The following PPP1R3B variants were observed in gnomAD, a reference collection of about 807,000 sequenced individuals.
PPP1R3B encodes PP1 subunit R4.
PPP1R3B carries 8 observed loss-of-function variants against 14.6 expected under a neutral mutation model. That is an observed-to-expected ratio of 0.55 (90% CI 0.32 to 0.99). The LOEUF (loss-of-function observed/expected upper bound fraction) is 0.99, where lower values mean the gene tolerates loss of function less well. Ranked by LOEUF, PPP1R3B falls within the 50% of genes least tolerant of loss-of-function variation. The pLI is 0.04. For synonymous variants in PPP1R3B, 169 were observed against 142.0 expected (o/e 1.19, Z -1.35); for missense variants, 452 against 360.1 (o/e 1.26, Z -2.07).
chr8:9,145,538 C>A (rs891224980), intron 1 of PPP1R3B: 1 of 152,144 alleles, frequency 6.6e-6, no homozygotes, highest in Admixed American at 6.5e-5. Flanking sequence ...TGGTAAGACT[C>A]TGGTCAACAG....
intron 1 of PPP1R3B, among the ~76,000 whole-genome samples, chr8:9,149,362 G>A (rs576531511): frequency 2.1e-4 from 32 of 151,002 alleles, no homozygotes; most frequent in African/African-American, 7.3e-4. Context: ...AATTAGCTGG[G>A]CGTGGTGGCG....
chr8:9,138,814 TC>T lies in PPP1R3B; in HGVS notation c.*1979del, dbSNP rs1386969130. ...AAAAATAGAAAATAAAAAACCAACT[TC>T]CTACAAGTATACTTGTAAAAATATA... is the stretch of plus-strand genomic sequence containing the variant. On this transcript the variant is annotated 3_prime_UTR_variant, in exon 2 of 2. Transcript: ENST00000310455. 6.6e-6 allele frequency: 1 copy of T among 152,182 alleles called. No homozygotes were observed. Among genetic ancestry groups the T allele is most frequent in the Non-Finnish European group, 1.5e-5 (1 of 68,030 alleles). 9.4% of individuals were successfully genotyped at this position (152,182 alleles called of 1,614,324 possible).
intron 1 of PPP1R3B, among the ~76,000 whole-genome samples, chr8:9,149,942 G>T (rs1461626270): frequency 6.6e-6 from 1 of 152,224 alleles, no homozygotes; most frequent in African/African-American, 2.4e-5. Context: ...TTTGCTACTT[G>T]AGCGAGTCAC....
At chr8:9,149,846 G>C (rs1801363952) in intron 1 of PPP1R3B, among the ~76,000 whole-genome samples, 1 of 152,218 alleles carries the variant, frequency 6.6e-6, no homozygotes, top group South Asian at 2.1e-4. Flanking sequence ...TTCTAGGAAA[G>C]AGGCAAGTTC....
rs17854302 is a variant in PPP1R3B, at chr8:9,141,457, G to A, written c.195C>T (p.Phe65=). ...QEKKVKKRVS[F]ADNQGLALTM... Reference sequence around the variant, plus strand: ...TCAGGGCCAGCCCCTGGTTGTCTGCGAAGGACACCCGCTTTTTCACCTTCT... The same window carrying A: ...TCAGGGCCAGCCCCTGGTTGTCTGCAAAGGACACCCGCTTTTTCACCTTCT... The change falls in exon 2 of 2, where the codon TTC becomes TTT. Residue 65 remains phenylalanine, a synonymous_variant. Transcript: ENST00000310455. The A allele has an allele frequency of 1.9e-5, 31 of 1,614,148 alleles. No homozygotes were observed. The East Asian group carries it at 3.3e-4, about 17-fold the overall frequency.
At chr8:9,148,859 T>C (rs577025393) in intron 1 of PPP1R3B, among the ~76,000 whole-genome samples, 60 of 152,334 alleles carry the variant, frequency 3.9e-4, no homozygotes, top group African/African-American at 1.4e-3. Flanking sequence ...ATCCCCTCCA[T>C]TCTCTTATTC....
chr8:9,147,152 G>C (rs993546872), intron 1 of PPP1R3B, among the ~76,000 whole-genome samples: 1 of 151,802 alleles, frequency 6.6e-6, no homozygotes. Context: ...GATTACAGGC[G>C]TGCACCACCA....
intron 1 of PPP1R3B, among the ~76,000 whole-genome samples, chr8:9,145,902 C>A (rs759935215): frequency 6.6e-6 from 1 of 152,096 alleles, no homozygotes; most frequent in East Asian, 1.9e-4. Flanking sequence ...CAGGATCTTG[C>A]TGTGTTGCCC....
intron 1 of PPP1R3B, among the ~76,000 whole-genome samples, chr8:9,147,051 C>G (rs945950861): frequency 3.3e-5 from 5 of 151,796 alleles, no homozygotes; most frequent in Admixed American, 2.6e-4. Context: ...GGCGCAATCT[C>G]AGCTCACTGC....
chr8:9,148,617 A>G (rs1305015459), intron 1 of PPP1R3B, among the ~76,000 whole-genome samples: 11 of 152,244 alleles, frequency 7.2e-5, no homozygotes, highest in Admixed American at 7.2e-4. Context: ...TGGCTAAGAC[A>G]GGGCAAACCC....
At chr8:9,142,153 G>C (rs944910532) in intron 1 of PPP1R3B, 2 of 159,938 alleles carry the variant, frequency 1.3e-5, no homozygotes, top group Admixed American at 1.2e-4. Context: ...CTGGAGCGCA[G>C]TGGCGTGAGC....
At position 9,141,364 on chromosome 8, in the gene PPP1R3B, T is replaced by G; in HGVS notation, c.288A>C (p.Leu96=). ...LDMPFNITEL[L]DNIVSLTTAE... ...CTGTCGTCAAGCTCACAATGTTGTC[T>G]AGGAGCTCGGTGATGTTGAATGGCA... Residue 96 remains leucine, a synonymous_variant, in exon 2 of 2, where the codon CTA becomes CTC. Transcript: ENST00000310455. The G allele has an allele frequency of 3.7e-6, 6 of 1,614,204 alleles. No individual in the cohort carries two copies. Among genetic ancestry groups the G allele is most frequent in the Non-Finnish European group, 5.1e-6 (6 of 1,180,034 alleles).
At position 9,139,465 on chromosome 8, in the gene PPP1R3B, G is replaced by A. The variant is rs1414514992; in HGVS notation, c.*1329C>T. 4 of 152,186 alleles carry A rather than the reference G, an allele frequency of 2.6e-5. No homozygotes were observed. Among genetic ancestry groups the A allele is most frequent in the Admixed American group, 2.6e-4 (4 of 15,284 alleles). The allele number at this position is 152,186 out of a possible 1,614,324, so 9.4% of individuals were successfully genotyped here. ...GTCACGATAAAACCATTTTCTGAAGGTTTCGAGGAGATATTGGATATGCAA... is the reference window on the plus strand; with the variant it reads ...GTCACGATAAAACCATTTTCTGAAGATTTCGAGGAGATATTGGATATGCAA... On this transcript the variant is annotated 3_prime_UTR_variant, in exon 2 of 2. Transcript: ENST00000310455.
At position 9,140,786 on chromosome 8, in the gene PPP1R3B, T is replaced by G; in HGVS notation, c.*8A>C. On this transcript the variant is annotated 3_prime_UTR_variant, in exon 2 of 2. Coordinates refer to ENST00000310455, the MANE Select transcript of PPP1R3B (RefSeq NM_024607.4). ...GGCAGCTCCGCCACGCCCTGTCACC[T>G]GCAGTCACTAGTAGTAGGGCCCTAG... 6.2e-7 allele frequency: 1 copy of G among 1,612,844 alleles called. No individual in the cohort carries two copies. Among genetic ancestry groups the G allele is most frequent in the South Asian group, 1.1e-5 (1 of 91,044 alleles).
intron 1 of PPP1R3B, among the ~76,000 whole-genome samples, chr8:9,147,291 G>A (rs535758544): frequency 4.4e-4 from 67 of 152,044 alleles, no homozygotes; most frequent in Admixed American, 2.9e-3. Context: ...ATGAGCCACC[G>A]TGCCCAGCCT....
intron 1 of PPP1R3B, among the ~76,000 whole-genome samples, chr8:9,147,256 C>T (rs1801268106): frequency 6.6e-6 from 1 of 152,172 alleles, no homozygotes; most frequent in African/African-American, 2.4e-5. Context: ...TCCCCTCAGC[C>T]TCCCACAGTG....
At chr8:9,149,890 G>A (rs910171078) in intron 1 of PPP1R3B, among the ~76,000 whole-genome samples, 11 of 152,216 alleles carry the variant, frequency 7.2e-5, no homozygotes, top group Admixed American at 1.3e-4. Context: ...AAAAACGTAC[G>A]AGGGAAAACA....
In PPP1R3B at chr8:9,141,296, G is replaced by A. The variant is rs1801077617; in HGVS notation, c.356C>T (p.Ala119Val). 3 of 1,614,032 alleles carry A rather than the reference G, an allele frequency of 1.9e-6. No homozygotes were observed. The highest frequency in any genetic ancestry group is 2.2e-5 in the South Asian group (2 of 91,090). The change falls in exon 2 of 2, where the codon GCA (alanine) becomes GTA (valine). Residue 119 changes from alanine (A) to valine (V), a missense_variant. Transcript: ENST00000310455. ...SFVLDFSQPS[A>V]DYLDFRNRLQ... ...TCGATTTCTAAAGTCTAAGTAATCT[G>A]CAGAGGGCTGGGAAAAATCCAGAAC... is the stretch of plus-strand genomic sequence containing the variant.
chr8:9,140,669 AT>A lies in PPP1R3B; in HGVS notation c.*124del, dbSNP rs1801044057. The A allele has an allele frequency of 1.0e-6, 1 of 986,878 alleles. No individual in the cohort carries two copies. 61.1% of individuals were successfully genotyped at this position (986,878 alleles called of 1,614,324 possible). On this transcript the variant is annotated 3_prime_UTR_variant, in exon 2 of 2. Coordinates refer to ENST00000310455, the MANE Select transcript of PPP1R3B (RefSeq NM_024607.4). ...AGAAAGAAGTGAAGAGGATCCTTTTATTTTCCCAAACGGGGCCTCATGGAAG... is the reference window on the plus strand; with the variant it reads ...AGAAAGAAGTGAAGAGGATCCTTTTATTTCCCAAACGGGGCCTCATGGAAG...
Sources: allele counts gnomAD v4.1 joint callset (sites outside exome capture counted in the v4.1 genomes callset), GRCh38; gene constraint gnomAD v4.1.1; transcripts MANE v1.5; gene names NCBI Gene and HGNC (gene_info 2026-07-23, HGNC 2026-07-21).